Variants in NAA11 observed in about 807,000 individuals in gnomAD.
NAA11 encodes the protein N-alpha-acetyltransferase 11, NatA catalytic subunit.
NAA11 carries 15 observed loss-of-function variants against 16.1 expected under a neutral mutation model. The observed-to-expected ratio is 0.93, with a 90% CI of 0.62 to 1.44. The LOEUF (loss-of-function observed/expected upper bound fraction) is 1.44. Ranked by LOEUF, NAA11 falls within the 40% of genes most tolerant of loss-of-function variation. The pLI, the probability that NAA11 is intolerant of heterozygous loss-of-function variation, is 0.00. For synonymous variants in NAA11, 122 were observed against 112.4 expected, an observed-to-expected ratio of 1.09 and a Z score of -0.54; for missense variants, 298 against 291.3, an observed-to-expected ratio of 1.02 and a Z score of -0.17.
At chr4:79,239,360 G>C (rs572931938) in intron 2 of NAA11, among the ~76,000 whole-genome samples, 1 of 152,244 alleles carries the variant, frequency 6.6e-6, no homozygotes, top group African/African-American at 2.4e-5. Context: ...TCAGGGTCTT[G>C]GAAGGAAGAG....
the NAA11 span, among the ~76,000 whole-genome samples, chr4:79,176,435 G>A: frequency 1.3e-5 from 2 of 152,044 alleles, no homozygotes; most frequent in African/African-American, 2.4e-5. Flanking sequence ...TCTGATGGGC[G>A]AGGCTGGCAG....
At chr4:79,320,267 T>C (rs1377457748) in intron 1 of NAA11, among the ~76,000 whole-genome samples, 1 of 152,208 alleles carries the variant, frequency 6.6e-6, no homozygotes, top group African/African-American at 2.4e-5. Flanking sequence ...AAGATGCATT[T>C]CCCATCCAAG....
the NAA11 span, among the ~76,000 whole-genome samples, chr4:79,204,256 C>T: frequency 4.6e-5 from 7 of 151,768 alleles, no homozygotes; most frequent in East Asian, 7.7e-4. Context: ...TTCAAATGTA[C>T]TCAACACGCA....
the NAA11 span, among the ~76,000 whole-genome samples, chr4:79,205,651 T>C: frequency 6.6e-6 from 1 of 151,986 alleles, no homozygotes; most frequent in Non-Finnish European, 1.5e-5. Context: ...TTTTGTTGCA[T>C]TTGCTTTTGA....
the NAA11 span, among the ~76,000 whole-genome samples, chr4:79,196,887 C>A: frequency 4.4e-5 from 6 of 137,248 alleles, no homozygotes. Flanking sequence ...TGGCTGCCAT[C>A]ACTGGCTTTG....
chr4:79,306,927 C>T (rs1041575798), intron 1 of NAA11: 1 of 152,138 alleles, frequency 6.6e-6, no homozygotes, highest in African/African-American at 2.4e-5. Flanking sequence ...TAGCTATAGT[C>T]AAAGCTTTTC....
chr4:79,287,718 C>T (rs1035670455), intron 2 of NAA11, among the ~76,000 whole-genome samples: 1 of 151,732 alleles, frequency 6.6e-6, no homozygotes, highest in Non-Finnish European at 1.5e-5. Flanking sequence ...AGAGAGAGCA[C>T]CCCTGGAATT....
At chr4:79,209,870 A>T in the NAA11 span, among the ~76,000 whole-genome samples, 6 of 151,850 alleles carry the variant, frequency 4.0e-5, no homozygotes, top group Admixed American at 3.9e-4. Context: ...ACACGGCAAA[A>T]CCTCATCTCT....
intron 2 of NAA11, among the ~76,000 whole-genome samples, chr4:79,243,929 G>A (rs1345878211): frequency 6.6e-6 from 1 of 152,200 alleles, no homozygotes; most frequent in Non-Finnish European, 1.5e-5. Context: ...TGGGCTTTCC[G>A]CATGTGCAGG....
the NAA11 span, among the ~76,000 whole-genome samples, chr4:79,201,158 C>T: frequency 3.3e-5 from 5 of 150,828 alleles, no homozygotes; most frequent in African/African-American, 7.3e-5. Flanking sequence ...ATTTATTTAC[C>T]CATAGAACCT....
At chr4:79,319,393 C>T (rs1423129638) in intron 1 of NAA11, among the ~76,000 whole-genome samples, 2 of 152,050 alleles carry the variant, frequency 1.3e-5, no homozygotes, top group African/African-American at 4.8e-5. Context: ...TATAATTTTC[C>T]AAAGATATTT....
At chr4:79,309,723 T>C (rs1417136793) in intron 1 of NAA11, among the ~76,000 whole-genome samples, 1 of 139,300 alleles carries the variant, frequency 7.2e-6, no homozygotes, top group Non-Finnish European at 1.6e-5. Context: ...TCTTTTTTTT[T>C]TTTTTTTTTT....
intron 2 of NAA11, among the ~76,000 whole-genome samples, chr4:79,248,996 C>A (rs561173269): frequency 4.6e-5 from 7 of 152,166 alleles, no homozygotes; most frequent in Non-Finnish European, 8.8e-5. Flanking sequence ...CTTGAGCCCC[C>A]CCCCAGTGCA....
intron 2 of NAA11, among the ~76,000 whole-genome samples, chr4:79,259,921 T>C (rs17003689): frequency 0.11 from 17,370 of 152,194 alleles, 1,280 homozygotes; most frequent in African/African-American, 0.2. Context: ...TTCTCTCAGA[T>C]GTTTCTTCTC....
intron 1 of NAA11, among the ~76,000 whole-genome samples, chr4:79,321,893 C>G (rs1724099378): frequency 6.6e-6 from 1 of 152,036 alleles, no homozygotes; most frequent in African/African-American, 2.4e-5. Context: ...ATTTTTACAT[C>G]TTTTAAAAAT....
chr4:79,219,260 T>C, the NAA11 span, among the ~76,000 whole-genome samples: 1 of 152,108 alleles, frequency 6.6e-6, no homozygotes, highest in Non-Finnish European at 1.5e-5. Flanking sequence ...GAGTAGTCAT[T>C]ATTTCCATTG....
chr4:79,302,797 A>T (rs140611078), intron 1 of NAA11, among the ~76,000 whole-genome samples: 2 of 152,080 alleles, frequency 1.3e-5, no homozygotes, highest in Non-Finnish European at 2.9e-5. Context: ...TGTGTAATCC[A>T]ACCTCAACCA....
intron 2 of NAA11, among the ~76,000 whole-genome samples, chr4:79,284,337 A>C (rs1265356702): frequency 1.3e-5 from 2 of 152,088 alleles, no homozygotes; most frequent in Non-Finnish European, 1.5e-5. Context: ...ATCAGTATAA[A>C]GGAGTCTCAT....
chr4:79,224,506 AC>A (rs2109951044), downstream of NAA11, among the ~76,000 whole-genome samples: 1 of 152,250 alleles, frequency 6.6e-6, no homozygotes, highest in African/African-American at 2.4e-5. Flanking sequence ...AAAATGTAAG[AC>A]AAAAAAAGCA....
Sources: allele counts gnomAD v4.1 joint callset (sites outside exome capture counted in the v4.1 genomes callset), GRCh38; gene constraint gnomAD v4.1.1; transcripts MANE v1.5; gene names NCBI Gene and HGNC (gene_info 2026-07-23, HGNC 2026-07-21).